FAM135A: variants seen among roughly 807,000 people sequenced by gnomAD.
FAM135A encodes protein FAM135A.
Under a neutral mutation model 146.8 loss-of-function variants are expected in FAM135A, and 79 were observed. The observed-to-expected ratio is 0.54, with a 90% CI of 0.45 to 0.65. FAM135A has a LOEUF of 0.65. FAM135A is among the 30% of genes least tolerant of loss of function. FAM135A has a pLI of 0.00. For missense variants in FAM135A, 1,623 were observed against 1,758.2 expected (o/e 0.92, Z 1.38); for synonymous variants, 562 against 603.6 (o/e 0.93, Z 1.01).
At chr6:70,425,308 A>C (rs907395966) in intron 2 of FAM135A, among the ~76,000 whole-genome samples, 6 of 152,166 alleles carry the variant, frequency 3.9e-5, no homozygotes, top group African/African-American at 1.4e-4. Flanking sequence ...GCCAAACTTT[A>C]CTTAGAATCA....
At chr6:70,453,723 G>A (rs749650927) in intron 5 of FAM135A, among the ~76,000 whole-genome samples, 2 of 152,130 alleles carry the variant, frequency 1.3e-5, no homozygotes, top group Non-Finnish European at 2.9e-5. Context: ...CTTCATCCAT[G>A]TCCCTACAAA....
chr6:70,459,436 C>A (rs1778989764), intron 5 of FAM135A, among the ~76,000 whole-genome samples: 1 of 152,108 alleles, frequency 6.6e-6, no homozygotes, highest in Non-Finnish European at 1.5e-5. Flanking sequence ...CAGGAAATAT[C>A]TGTCATCTGC....
At chr6:70,431,357 A>C (rs1206198397) in intron 4 of FAM135A, among the ~76,000 whole-genome samples, 1 of 152,208 alleles carries the variant, frequency 6.6e-6, no homozygotes. Context: ...GTCAGATGGC[A>C]GATTGGCCGG....
In FAM135A at chr6:70,523,916, G is replaced by A. The variant is rs534199361; in HGVS notation, c.1104-51G>A. Reference sequence around the variant, plus strand: ...GAAAGGGTAGATTCTACAAAGGGGAGTTGGGTATAATTTTTCTAAATTACA... The same window carrying A: ...GAAAGGGTAGATTCTACAAAGGGGAATTGGGTATAATTTTTCTAAATTACA... On this transcript the variant is annotated intron_variant, in intron 13 of 21. Coordinates refer to ENST00000418814, the MANE Select transcript of FAM135A (RefSeq NM_001162529.3). 3.3e-5 allele frequency: 52 copies of A among 1,564,082 alleles called. No individual in the cohort carries two copies. In the South Asian group the frequency reaches 5.7e-4, roughly 17 times the overall value.
At chr6:70,528,561 C>G in intron 16 of FAM135A, 109 bp downstream of exon 16, 1 of 961,706 alleles carries the variant, frequency 1.0e-6, no homozygotes, top group South Asian at 3.8e-5. Flanking sequence ...TTTTTAATTG[C>G]TTAAATTAAT....
At position 70,477,139 on chromosome 6, in the gene FAM135A, C is replaced by G. The variant is rs996717908; in HGVS notation, c.369-20C>G. ...TTACTAAATGTTTCATACTTACATG[C>G]TAAGTGTTCCTTTTTACAGGGCAGA... On this transcript the variant is annotated intron_variant, in intron 7 of 21. Transcript: ENST00000418814. The G allele has an allele frequency of 6.2e-7, 1 of 1,603,770 alleles. No homozygotes were observed. Among genetic ancestry groups the G allele is most frequent in the South Asian group, 1.1e-5 (1 of 89,216 alleles).
In FAM135A at chr6:70,482,013, A is replaced by G. The variant is rs747209939; in HGVS notation, c.682A>G (p.Ile228Val). The change falls in exon 10 of 22, where the codon ATC becomes GTC. Residue 228 changes from isoleucine to valine, a missense_variant. Around this residue, in one of 7 missense-constraint regions of FAM135A, gnomAD observed 206 missense variants for 194.7 expected, o/e 1.06. Transcript: ENST00000418814. ...KQLSPDGCSF[I>V]IADSFLHHAY... The stretch of plus-strand genomic sequence containing the variant: ...GTTTTTTGTTTAGGGTTGTAGCTTC[A>G]TCATTGCAGACTCCTTCCTACATCA... The G allele has an allele frequency of 4.3e-6, 7 of 1,612,604 alleles. No homozygotes were observed. In the South Asian group the frequency reaches 6.6e-5, roughly 15 times the overall value.
intron 20 of FAM135A, among the ~76,000 whole-genome samples, chr6:70,548,980 T>G (rs565931685): frequency 6.6e-6 from 1 of 152,212 alleles, no homozygotes; most frequent in South Asian, 2.1e-4. Context: ...AGTTAATCAT[T>G]TTTGCCATTA....
chr6:70,552,106 T>TA (rs1799926054), intron 20 of FAM135A, among the ~76,000 whole-genome samples: 1 of 152,188 alleles, frequency 6.6e-6, no homozygotes, highest in African/African-American at 2.4e-5. Context: ...GCTTTAAAAA[T>TA]ATTGAATTTG....
intron 4 of FAM135A, among the ~76,000 whole-genome samples, chr6:70,436,721 GA>G (rs1404753054): frequency 6.6e-6 from 1 of 152,188 alleles, no homozygotes; most frequent in Non-Finnish European, 1.5e-5. Context: ...CTTTAGGTGA[GA>G]AAGGATGTCT....
intron 4 of FAM135A, 89 bp downstream of exon 4, chr6:70,428,508 A>G (rs1428096458): frequency 1.2e-6 from 1 of 815,668 alleles, no homozygotes; most frequent in African/African-American, 1.8e-5. Flanking sequence ...TCCAGCATAT[A>G]TAAGGAAAAC....
intron 2 of FAM135A, among the ~76,000 whole-genome samples, chr6:70,417,957 T>G (rs1055954497): frequency 2.6e-5 from 4 of 152,248 alleles, no homozygotes; most frequent in Admixed American, 2.6e-4. Context: ...GCGATTCTCA[T>G]TGTCTTTCCT....
chr6:70,500,386 T>A (rs1362361382), intron 11 of FAM135A, among the ~76,000 whole-genome samples: 1 of 152,190 alleles, frequency 6.6e-6, no homozygotes, highest in Non-Finnish European at 1.5e-5. Flanking sequence ...TCCTGTAACC[T>A]TTTATCAAGG....
chr6:70,431,821 GA>G (rs1232009112), intron 4 of FAM135A, among the ~76,000 whole-genome samples: 6 of 151,858 alleles, frequency 4.0e-5, no homozygotes, highest in Admixed American at 1.3e-4. Flanking sequence ...TTGTATTCAT[GA>G]AAAAAATGAT....
Position 70,559,781 on chromosome 6 carries a change from T to G in FAM135A, c.4408T>G (p.Leu1470Val). The change falls in exon 22 of 22, where the codon TTG (leucine) becomes GTG (valine). Residue 1470 changes from leucine (L) to valine (V), a missense_variant. Transcript: ENST00000418814. ...RPVLQSKDCN[L>V]VRYNVINALP... ...CGTTCTGCAAAGCAAGGACTGTAAT[T>G]TGGTTCGCTATAATGTCATCAATGC... The G allele has an allele frequency of 6.2e-7, 1 of 1,614,124 alleles. No individual in the cohort carries two copies. The highest frequency in any genetic ancestry group is 8.5e-7 in the Non-Finnish European group (1 of 1,180,020).
intron 4 of FAM135A, among the ~76,000 whole-genome samples, chr6:70,442,339 A>G (rs9455107): frequency 0.021 from 3,184 of 151,006 alleles, 106 homozygotes; most frequent in African/African-American, 0.074. Flanking sequence ...GTGGAATTGC[A>G]ATCAAGTAGA....
chr6:70,437,716 TCGG>T (rs1387058871), intron 4 of FAM135A, among the ~76,000 whole-genome samples: 1 of 152,090 alleles, frequency 6.6e-6, no homozygotes, highest in Non-Finnish European at 1.5e-5. Context: ...AATTTAGAAC[TCGG>T]AATTAGGGAA....
intron 5 of FAM135A, among the ~76,000 whole-genome samples, chr6:70,454,589 G>GTTTTCCTTCA (rs1420128566): frequency 9.2e-5 from 14 of 152,258 alleles, no homozygotes; most frequent in African/African-American, 4.8e-5. Context: ...TTCATATAAG[G>GTTTTCCTTCA]TGTAAGGAAG....
chr6:70,553,895 G>A (rs1187648983), intron 20 of FAM135A, among the ~76,000 whole-genome samples: 1 of 152,168 alleles, frequency 6.6e-6, no homozygotes, highest in East Asian at 1.9e-4. Context: ...ACTTGATGTT[G>A]TAGTATATAT....
Sources: gnomAD v4.1 joint callset for allele counts (sites outside exome capture counted in the v4.1 genomes callset) on GRCh38, gnomAD v4.1.1 for gene constraint, gnomAD v4.1.1 regional missense constraint, MANE v1.5 for transcripts, NCBI Gene and HGNC (gene_info 2026-07-23, HGNC 2026-07-21) for gene names.